Variants in ACSS3 observed in about 807,000 individuals in gnomAD.
ACSS3 encodes the protein acyl-CoA synthetase short-chain family member 3, mitochondrial.
In ACSS3, 64 loss-of-function variants were observed where a neutral mutation model predicts 84.2. That is an observed-to-expected ratio of 0.76 (90% confidence interval 0.62 to 0.94). The LOEUF (loss-of-function observed/expected upper bound fraction) is 0.94, where lower values mean the gene tolerates loss of function less well. ACSS3 is among the 40% of genes least tolerant of loss of function. The pLI, the probability that ACSS3 is intolerant of heterozygous loss-of-function variation, is 0.00. For synonymous variants in ACSS3, 317 were observed against 310.1 expected (o/e 1.02, Z -0.23); for missense variants, 815 against 867.6 (o/e 0.94, Z 0.76).
In ACSS3 at chr12:81,151,992, AT is replaced by A. The variant is rs746321094; in HGVS notation, c.1003-3del. On this transcript the variant is annotated splice_polypyrimidine_tract_variant and splice_region_variant and intron_variant, in intron 6 of 15. Coordinates refer to ENST00000548058, the MANE Select transcript of ACSS3 (RefSeq NM_024560.4). ...TAAAATATATTCATTTTATTATCTT[AT>A]TTTTTAGGTGTGGTGGGCAGCTTCT... The A allele has an allele frequency of 2.5e-6, 4 of 1,612,894 alleles. No homozygotes were observed. The South Asian group carries it at 4.4e-5, about 18-fold the overall frequency.
intron 10 of ACSS3, among the ~76,000 whole-genome samples, chr12:81,217,390 C>A (rs534548798): frequency 2.2e-4 from 33 of 152,112 alleles, no homozygotes; most frequent in Non-Finnish European, 4.3e-4. Context: ...AAATAATTTT[C>A]TTGAGATAAC....
intron 13 of ACSS3, among the ~76,000 whole-genome samples, chr12:81,241,656 A>G (rs919534433): frequency 3.4e-4 from 51 of 152,170 alleles, no homozygotes; most frequent in African/African-American, 1.2e-3. Context: ...GTCTGTTCAT[A>G]TGCTTCACCC....
chr12:81,217,920 T>G (rs2032979913), intron 10 of ACSS3, among the ~76,000 whole-genome samples: 2 of 152,182 alleles, frequency 1.3e-5, no homozygotes, highest in Non-Finnish European at 2.9e-5. Context: ...TGATGCTGGC[T>G]TTATGTGACT....
Position 81,259,925 on chromosome 12 carries a change from C to A in ACSS3, c.*5003C>A, listed in dbSNP as rs2034810395. 3.2e-6 allele frequency: 1 copy of A among 316,310 alleles called. No homozygotes were observed. Among genetic ancestry groups the A allele is most frequent in the Non-Finnish European group, 5.7e-6 (1 of 174,116 alleles). The allele number at this position is 316,310 out of a possible 1,614,324, so 19.6% of individuals were successfully genotyped here. On this transcript the variant is annotated 3_prime_UTR_variant, in exon 16 of 16. Transcript: ENST00000548058. ...AGTAATGTAAACAAAGGTAGTTATGCAAAATGTTAGCATGCCTTCTGAAAA... is the reference window on the plus strand; with the variant it reads ...AGTAATGTAAACAAAGGTAGTTATGAAAAATGTTAGCATGCCTTCTGAAAA...
At position 81,079,973 on chromosome 12, in the gene ACSS3, C is replaced by T. The variant is rs370135607; in HGVS notation, c.311+1542C>T. On this transcript the variant is annotated intron_variant, in intron 1 of 15. Coordinates refer to ENST00000548058, the MANE Select transcript of ACSS3 (RefSeq NM_024560.4). ...AATTATCTTAGGAGCAGGAAACTCT[C>T]CTAGTATTCCTCAGATGAAAGCACA... Among the ~76,000 whole-genome samples the T allele has an allele frequency of 1.6e-4, 24 of 152,312 alleles. 1 individual carries two copies. Among genetic ancestry groups the T allele is most frequent in the African/African-American group, 5.5e-4 (23 of 41,568 alleles).
chr12:81,160,463 G>C (rs1887094308), intron 7 of ACSS3, among the ~76,000 whole-genome samples: 1 of 152,196 alleles, frequency 6.6e-6, no homozygotes, highest in African/African-American at 2.4e-5. Context: ...TGGTACAGGA[G>C]TATGGTCGCT....
chr12:81,160,630 T>C (rs1887105129), intron 7 of ACSS3, among the ~76,000 whole-genome samples: 1 of 152,374 alleles, frequency 6.6e-6, no homozygotes, highest in East Asian at 1.9e-4. Context: ...TTTGTGAATC[T>C]TCTTCACTTT....
chr12:81,142,676 T>G (rs1459062107), intron 4 of ACSS3, among the ~76,000 whole-genome samples: 1 of 152,200 alleles, frequency 6.6e-6, no homozygotes, highest in Admixed American at 6.5e-5. Context: ...AGAGAAATTT[T>G]AATAGCTTAG....
At chr12:81,205,060 A>G (rs1275256190) in intron 9 of ACSS3, among the ~76,000 whole-genome samples, 1 of 152,106 alleles carries the variant, frequency 6.6e-6, no homozygotes, top group Non-Finnish European at 1.5e-5. Context: ...TCCATAATTG[A>G]TTGAACTGCT....
At chr12:81,161,172 A>T (rs200477294) in intron 7 of ACSS3, among the ~76,000 whole-genome samples, 1 of 152,254 alleles carries the variant, frequency 6.6e-6, no homozygotes, top group African/African-American at 2.4e-5. Flanking sequence ...TCCTCATAAC[A>T]TTGAAGAATT....
intron 13 of ACSS3, among the ~76,000 whole-genome samples, chr12:81,243,787 T>A (rs2033891781): frequency 6.6e-6 from 1 of 152,190 alleles, no homozygotes. Context: ...ACTGCTGTCA[T>A]TCACTTGCTA....
chr12:81,079,773 TACTG>T (rs1208931523), intron 1 of ACSS3, among the ~76,000 whole-genome samples: 2 of 152,204 alleles, frequency 1.3e-5, no homozygotes, highest in Non-Finnish European at 2.9e-5. Flanking sequence ...TTCTCACAGT[TACTG>T]ACTGTGTGTT....
intron 3 of ACSS3, among the ~76,000 whole-genome samples, chr12:81,137,378 T>C (rs1885866403): frequency 1.3e-5 from 2 of 148,622 alleles, no homozygotes; most frequent in Admixed American, 6.7e-5. Context: ...TAATACTCCT[T>C]TGTTAAGGGG....
At chr12:81,235,840 ACTTG>A (rs751089323) in intron 13 of ACSS3, among the ~76,000 whole-genome samples, 4 of 151,480 alleles carry the variant, frequency 2.6e-5, no homozygotes, top group Non-Finnish European at 5.9e-5. Context: ...ATCTTGTTTA[ACTTG>A]CTTGCTAGCT....
chr12:81,114,315 G>A (rs1883856391), intron 2 of ACSS3, among the ~76,000 whole-genome samples: 1 of 152,068 alleles, frequency 6.6e-6, no homozygotes, highest in African/African-American at 2.4e-5. Context: ...AAATTTAGAG[G>A]AGAAAATTAT....
At chr12:81,192,359 G>A (rs1263794062) in intron 8 of ACSS3, among the ~76,000 whole-genome samples, 1 of 152,212 alleles carries the variant, frequency 6.6e-6, no homozygotes, top group East Asian at 1.9e-4. Context: ...CAGCCCGGGC[G>A]ACAGAGCAAG....
chr12:81,139,393 C>A, intron 4 of ACSS3, 128 bp downstream of exon 4: 2 of 1,075,240 alleles, frequency 1.9e-6, no homozygotes, highest in Non-Finnish European at 2.6e-6. Flanking sequence ...ATTGTTATTT[C>A]TAAAAAATAT....
chr12:81,213,372 G>A (rs576667221), intron 9 of ACSS3, among the ~76,000 whole-genome samples: 4 of 152,180 alleles, frequency 2.6e-5, no homozygotes, highest in Admixed American at 1.3e-4. Flanking sequence ...TTGAAGATGC[G>A]TCAGTCCTTG....
intron 13 of ACSS3, among the ~76,000 whole-genome samples, chr12:81,238,759 C>A (rs932151429): frequency 2.7e-5 from 4 of 149,902 alleles, no homozygotes; most frequent in African/African-American, 4.9e-5. Context: ...TTTTTTTTTC[C>A]TTAGCCTGGC....
Sources: allele counts gnomAD v4.1 joint callset (sites outside exome capture counted in the v4.1 genomes callset), GRCh38; gene constraint gnomAD v4.1.1; transcripts MANE v1.5; gene names NCBI Gene and HGNC (gene_info 2026-07-23, HGNC 2026-07-21).